The following DGKB variants were observed in gnomAD, a reference collection of about 807,000 sequenced individuals.
DGKB encodes 90 kDa diacylglycerol kinase.
DGKB carries 67 observed loss-of-function variants against 114.3 expected under a neutral mutation model. The ratio of observed to expected loss-of-function variants is 0.59; its 90% CI spans 0.48 to 0.72. The LOEUF is 0.72. Among genes scored for constraint, DGKB ranks in the 30% least tolerant of loss-of-function variants. DGKB has a pLI of 0.00. For synonymous variants in DGKB, 398 were observed against 323.1 expected (o/e 1.23, Z -2.49); for missense variants, 907 against 975.2 (o/e 0.93, Z 0.93).
At chr7:14,155,993 T>C (rs2128218927) in intron 25 of DGKB, among the ~76,000 whole-genome samples, 1 of 152,264 alleles carries the variant, frequency 6.6e-6, no homozygotes, top group Admixed American at 6.5e-5. Flanking sequence ...CAGTGGGGCA[T>C]ATATGAATAG....
intron 20 of DGKB, among the ~76,000 whole-genome samples, chr7:14,513,682 A>G (rs1788327441): frequency 6.6e-6 from 1 of 151,994 alleles, no homozygotes; most frequent in African/African-American, 2.4e-5. Flanking sequence ...AAATAAAACA[A>G]TATTTTATTA....
At chr7:14,741,927 C>A (rs1832642745) in intron 4 of DGKB, among the ~76,000 whole-genome samples, 1 of 152,080 alleles carries the variant, frequency 6.6e-6, no homozygotes, top group South Asian at 2.1e-4. Context: ...TTTAAAAGAC[C>A]TTTATGTTTT....
intron 13 of DGKB, among the ~76,000 whole-genome samples, chr7:14,644,152 G>T (rs1439620441): frequency 6.6e-6 from 1 of 150,978 alleles, no homozygotes; most frequent in Non-Finnish European, 1.5e-5. Context: ...ATACATTACT[G>T]TACCTACCTA....
chr7:14,621,171 T>A (rs982602647), intron 15 of DGKB: 6 of 453,250 alleles, frequency 1.3e-5, no homozygotes, highest in African/African-American at 1.0e-4. Context: ...GGAGATAAAA[T>A]CATAAATGAT....
intron 1 of DGKB, among the ~76,000 whole-genome samples, chr7:14,967,298 C>G (rs1787209747): frequency 6.7e-6 from 1 of 148,286 alleles, no homozygotes; most frequent in Non-Finnish European, 1.5e-5. Context: ...ACAAGTGTTT[C>G]CTGACTTGAT....
intron 1 of DGKB, among the ~76,000 whole-genome samples, chr7:14,959,479 T>G (rs1786717328): frequency 6.6e-6 from 1 of 152,042 alleles, no homozygotes; most frequent in South Asian, 2.1e-4. Flanking sequence ...TCCAGCTTCT[T>G]GAATTTAATA....
At chr7:14,937,621 T>C (rs1036172077) in intron 1 of DGKB, among the ~76,000 whole-genome samples, 12 of 152,176 alleles carry the variant, frequency 7.9e-5, no homozygotes, top group African/African-American at 2.9e-4. Flanking sequence ...TTCTTGACTT[T>C]TCTTTTCCCT....
chr7:14,528,501 A>G (rs1791009444), intron 20 of DGKB, among the ~76,000 whole-genome samples: 1 of 152,104 alleles, frequency 6.6e-6, no homozygotes, highest in South Asian at 2.1e-4. Context: ...GGCTTATAAG[A>G]TATAAAAATT....
intron 20 of DGKB, among the ~76,000 whole-genome samples, chr7:14,515,989 T>C (rs1239453629): frequency 1.3e-5 from 2 of 152,000 alleles, no homozygotes; most frequent in African/African-American, 4.8e-5. Context: ...GAACTACAGG[T>C]ATGTACCACC....
intron 21 of DGKB, among the ~76,000 whole-genome samples, chr7:14,456,400 G>C (rs945536684): frequency 2.6e-5 from 4 of 152,034 alleles, no homozygotes; most frequent in African/African-American, 9.7e-5. Flanking sequence ...ATCATTGGCA[G>C]TACCTAGTGG....
intron 23 of DGKB, among the ~76,000 whole-genome samples, chr7:14,327,865 C>G (rs1055962404): frequency 1.3e-5 from 2 of 152,044 alleles, no homozygotes; most frequent in Non-Finnish European, 2.9e-5. Context: ...CATTTTTGCT[C>G]AATTACTTAC....
intron 13 of DGKB, among the ~76,000 whole-genome samples, chr7:14,670,199 T>C (rs1048207250): frequency 1.3e-5 from 2 of 152,014 alleles, no homozygotes; most frequent in African/African-American, 4.8e-5. Context: ...TCTCCTCATA[T>C]AGTTACCCTT....
intron 21 of DGKB, among the ~76,000 whole-genome samples, chr7:14,414,862 C>T (rs1370657152): frequency 6.6e-6 from 1 of 151,970 alleles, no homozygotes; most frequent in Non-Finnish European, 1.5e-5. Context: ...TGACATTATT[C>T]CCTGTGTAAC....
intron 2 of DGKB, among the ~76,000 whole-genome samples, chr7:14,836,039 G>C (rs2128130172): frequency 1.3e-5 from 2 of 152,204 alleles, no homozygotes; most frequent in East Asian, 3.9e-4. Flanking sequence ...TTTGAGGTGG[G>C]ATTCTACTTT....
At chr7:14,876,463 G>A (rs77343641) in intron 1 of DGKB, among the ~76,000 whole-genome samples, 1,979 of 152,262 alleles carry the variant, frequency 0.013, 67 homozygotes, top group Admixed American at 0.078. Flanking sequence ...CCTGGGCAAG[G>A]CCAACAACAC....
Position 14,178,163 on chromosome 7 carries a change from T to C in DGKB, c.2123-12A>G, listed in dbSNP as rs76810736. 171,001 of 1,612,442 alleles carry C rather than the reference T, an allele frequency of 0.11. 10,177 individuals carry two copies. The highest frequency in any genetic ancestry group is 0.24 in the Admixed American group (14,169 of 59,826). On this transcript the variant is annotated splice_polypyrimidine_tract_variant and intron_variant, in intron 23 of 25. Transcript: ENST00000402815. The stretch of plus-strand genomic sequence containing the variant: ...CTGGTCACTGAGATCTGAAAGAAAG[T>C]AGATGCCTTTTAAGTTGCAATGTGT...
At chr7:14,267,480 T>TC (rs1491423941) in intron 23 of DGKB, among the ~76,000 whole-genome samples, 13 of 123,624 alleles carry the variant, frequency 1.1e-4, no homozygotes, top group African/African-American at 2.7e-4. Context: ...TTTTTTTTTC[T>TC]TTTTTTTTTT....
chr7:14,333,162 A>G (rs1208497800), intron 23 of DGKB, among the ~76,000 whole-genome samples: 2 of 152,114 alleles, frequency 1.3e-5, no homozygotes, highest in Non-Finnish European at 2.9e-5. Context: ...CTCTCAACAC[A>G]ATCAATCAGT....
chr7:14,613,847 GA>G (rs1806039383), intron 15 of DGKB, among the ~76,000 whole-genome samples: 1 of 152,024 alleles, frequency 6.6e-6, no homozygotes, highest in Admixed American at 6.6e-5. Flanking sequence ...TGAGAGTTTC[GA>G]GGCATGTGTG....
Sources: allele counts gnomAD v4.1 joint callset (sites outside exome capture counted in the v4.1 genomes callset), GRCh38; gene constraint gnomAD v4.1.1; transcripts MANE v1.5; gene names NCBI Gene and HGNC (gene_info 2026-07-23, HGNC 2026-07-21).